Variants in COG4 observed in about 807,000 individuals in gnomAD.
The protein encoded by COG4 is component of oligomeric golgi complex 4, also known as conserved oligomeric Golgi complex subunit 4.
COG4 carries 65 observed loss-of-function variants against 95.1 expected under a neutral mutation model. The ratio of observed to expected loss-of-function variants is 0.68; its 90% CI spans 0.56 to 0.84. The LOEUF is 0.84. Ranked by LOEUF, COG4 falls within the 40% of genes least tolerant of loss-of-function variation. The pLI, the probability that COG4 is intolerant of heterozygous loss-of-function variation, is 0.00. For synonymous variants in COG4, 421 were observed against 374.8 expected (o/e 1.12, Z -1.42); for missense variants, 1,045 against 989.1 (o/e 1.06, Z -0.76).
chr16:70,513,105 C>T (rs1210440030), intron 4 of COG4, among the ~76,000 whole-genome samples: 2 of 152,190 alleles, frequency 1.3e-5, no homozygotes, highest in African/African-American at 2.4e-5. Flanking sequence ...AACAAACATT[C>T]CAGGCAAAGG....
chr16:70,509,157 C>G (rs1227574761), intron 7 of COG4, 74 bp downstream of exon 7: 3 of 1,581,062 alleles, frequency 1.9e-6, no homozygotes, highest in East Asian at 2.2e-5. Context: ...CTTTTTCAAA[C>G]CCTACAATTT....
chr16:70,523,498 C>CT lies in COG4; in HGVS notation c.45dup (p.Gly16ArgfsTer7). On this transcript the variant is annotated frameshift_variant, in exon 1 of 19. Transcript: ENST00000323786. LOFTEE classifies it high-confidence loss of function. ...ACCCCCTCAGACGGCTGCTGCACCC[C>CT]TGACAGCTTCGGAGGCGAATCAAGG... 1 of 1,614,144 alleles carries CT rather than the reference C, an allele frequency of 6.2e-7. No individual in the cohort carries two copies. Among genetic ancestry groups the CT allele is most frequent in the Non-Finnish European group, 8.5e-7 (1 of 1,180,048 alleles).
chr16:70,498,007 C>T lies in COG4; in HGVS notation c.1244G>A (p.Cys415Tyr). The T allele has an allele frequency of 6.2e-7, 1 of 1,613,838 alleles. No individual in the cohort carries two copies. The highest frequency in any genetic ancestry group is 8.5e-7 in the Non-Finnish European group (1 of 1,179,744). Residue 415 changes from cysteine (C) to tyrosine (Y), a missense_variant, in exon 10 of 19, where the codon TGT becomes TAT. By Grantham distance (194) the Cys-to-Tyr change is radical. Coordinates refer to ENST00000323786, the MANE Select transcript of COG4 (RefSeq NM_015386.3). The stretch of plus-strand genomic sequence containing the variant: ...TAAGCCAATTAGCTCCTGCATGGTA[C>T]AGCTCAAAAGGCAGTTATTGAGGAG... ...DKLLNNCLLS[C>Y]TMQELIGLYV...
chr16:70,499,326 A>C (rs1346282990), intron 9 of COG4, among the ~76,000 whole-genome samples: 1 of 152,222 alleles, frequency 6.6e-6, no homozygotes, highest in African/African-American at 2.4e-5. Flanking sequence ...GATAGTCATC[A>C]TTATTGCTTT....
chr16:70,506,627 A>AAAAAAAAAAAAT (rs1405431900), intron 8 of COG4, among the ~76,000 whole-genome samples: 1 of 137,248 alleles, frequency 7.3e-6, no homozygotes, highest in Non-Finnish European at 1.5e-5. Flanking sequence ...ACAAAAAAAA[A>AAAAAAAAAAAAT]AACATTTAGC....
At chr16:70,508,233 A>G (rs908246504) in intron 8 of COG4, among the ~76,000 whole-genome samples, 173 bp downstream of exon 8, 19 of 152,300 alleles carry the variant, frequency 1.2e-4, no homozygotes, top group African/African-American at 4.6e-4. Flanking sequence ...ATGACTGATT[A>G]CACAATTTAT....
In COG4 at chr16:70,509,393, A is replaced by C. The variant is rs750722454; in HGVS notation, c.845-5T>G. On this transcript the variant is annotated splice_region_variant and splice_polypyrimidine_tract_variant and intron_variant, in intron 6 of 18. Transcript: ENST00000323786. ...TCTCCACAATGCGGGCAATCCCTAG[A>C]AGGGAGGAAGCAATAGGGTTATATT... is the stretch of plus-strand genomic sequence containing the variant. 1 of 1,614,184 alleles carries C rather than the reference A, an allele frequency of 6.2e-7. No homozygotes were observed. Among genetic ancestry groups the C allele is most frequent in the South Asian group, 1.1e-5 (1 of 91,082 alleles).
At chr16:70,482,022 G>T in intron 16 of COG4, 70 bp downstream of exon 16, 2 of 1,411,360 alleles carry the variant, frequency 1.4e-6, no homozygotes, top group South Asian at 1.1e-5. Context: ...AATGTGATGA[G>T]ACCCTGCAGG....
At chr16:70,520,128 C>A (rs1290398643) in intron 1 of COG4, among the ~76,000 whole-genome samples, 1 of 151,854 alleles carries the variant, frequency 6.6e-6, no homozygotes, top group Non-Finnish European at 1.5e-5. Context: ...TGGTGAAACC[C>A]CATCTCTACT....
chr16:70,498,825 A>G (rs2049392348), intron 9 of COG4, among the ~76,000 whole-genome samples: 1 of 152,248 alleles, frequency 6.6e-6, no homozygotes, highest in South Asian at 2.1e-4. Flanking sequence ...AATAGGAGTC[A>G]AAAGATGTAA....
intron 8 of COG4, among the ~76,000 whole-genome samples, chr16:70,506,147 A>G (rs1353968077): frequency 1.3e-5 from 2 of 152,072 alleles, no homozygotes; most frequent in Non-Finnish European, 2.9e-5. Context: ...CTGTAATCCC[A>G]GCATTTTGGG....
rs1361291990 is a variant in COG4, at chr16:70,508,482, A to G, written c.1003-18T>C. Reference sequence around the variant, plus strand: ...TGCCGGAACTGCAACATACCACAGGAATGAGAATATTCTTCCCCACCCCCA... The same window carrying G: ...TGCCGGAACTGCAACATACCACAGGGATGAGAATATTCTTCCCCACCCCCA... On this transcript the variant is annotated intron_variant, in intron 7 of 18. Coordinates refer to ENST00000323786, the MANE Select transcript of COG4 (RefSeq NM_015386.3). 6.2e-7 allele frequency: 1 copy of G among 1,611,926 alleles called. No individual in the cohort carries two copies. The highest frequency in any genetic ancestry group is 8.5e-7 in the Non-Finnish European group (1 of 1,178,022).
rs148245206 is a variant in COG4 at position 70,495,088 on chromosome 16, A to G, written c.1647+1178T>C. ...AGCTCTGAACTCTTTTGGGGGTCAC[A>G]GATCCTTTTAAGAATATGATAACCA... On this transcript the variant is annotated intron_variant, in intron 12 of 18. Coordinates refer to ENST00000323786, the MANE Select transcript of COG4 (RefSeq NM_015386.3). 3.7e-4 allele frequency among the ~76,000 whole-genome samples: 56 copies of G among 152,234 alleles called. No homozygotes were observed. In the East Asian group the frequency reaches 0.01, roughly 28 times the overall value.
intron 8 of COG4, among the ~76,000 whole-genome samples, chr16:70,503,656 G>A (rs1421232689): frequency 4.3e-5 from 6 of 138,646 alleles, no homozygotes; most frequent in South Asian, 2.1e-4. Flanking sequence ...GTGCAGTGGC[G>A]CTATCCCGGC....
chr16:70,515,444 C>T (rs58144908), intron 3 of COG4, among the ~76,000 whole-genome samples: 3 of 151,996 alleles, frequency 2.0e-5, no homozygotes, highest in South Asian at 2.1e-4. Context: ...CCAGCACTTT[C>T]GGAAGCCGAG....
At chr16:70,500,884 T>C (rs1325902336) in intron 9 of COG4, 74 bp downstream of exon 9, 1 of 1,565,354 alleles carries the variant, frequency 6.4e-7, no homozygotes, top group Non-Finnish European at 8.8e-7. Flanking sequence ...TAATAAGAGA[T>C]TTGTGGCTTA....
At chr16:70,505,007 G>T (rs1365970229) in intron 8 of COG4, among the ~76,000 whole-genome samples, 1 of 151,720 alleles carries the variant, frequency 6.6e-6, no homozygotes, top group African/African-American at 2.4e-5. Context: ...TCAGAATAGT[G>T]TCTGGCATAC....
rs149161012 is a variant in COG4, at chr16:70,521,022, T to C, written c.172-1291A>G. ...CCTACCCCAGCCCCCCAAATATCTG[T>C]GACTATAGGCGTGCACAACCCTGGT... On this transcript the variant is annotated intron_variant, in intron 1 of 18. Transcript: ENST00000323786. Among the ~76,000 whole-genome samples, 899 of 152,296 alleles carry C rather than the reference T, an allele frequency of 5.9e-3. 24 individuals carry two copies. Among genetic ancestry groups the C allele is most frequent in the Admixed American group, 0.054 (821 of 15,280 alleles).
Position 70,497,287 on chromosome 16 carries a change from C to G in COG4, c.1415G>C (p.Ser472Thr). Residue 472 changes from serine to threonine, a missense_variant, in exon 11 of 19, where the codon AGC becomes ACC. Physicochemically the swap from Ser to Thr is moderately conservative, Grantham distance 58. Transcript: ENST00000323786. ...GGCACAGAGACAGTCAATGCTGGAGCTGGACAGAGCCCGCCCAATGCACTT... is the reference window on the plus strand; with the variant it reads ...GGCACAGAGACAGTCAATGCTGGAGGTGGACAGAGCCCGCCCAATGCACTT... ...VKKCIGRALSSSSIDCLCAMI... is the reference protein window; with the variant it reads ...VKKCIGRALSTSSIDCLCAMI... The G allele has an allele frequency of 6.2e-7, 1 of 1,614,178 alleles. No individual in the cohort carries two copies. The highest frequency in any genetic ancestry group is 8.5e-7 in the Non-Finnish European group (1 of 1,180,024).
Sources: allele counts gnomAD v4.1 joint callset (sites outside exome capture counted in the v4.1 genomes callset), GRCh38; gene constraint gnomAD v4.1.1; transcripts MANE v1.5; gene names NCBI Gene and HGNC (gene_info 2026-07-23, HGNC 2026-07-21).